Variants in CHD6 observed in about 807,000 individuals in gnomAD.
The protein encoded by CHD6 is ATP-dependent chromatin remodeler CHD6.
A neutral mutation model predicts 276.9 loss-of-function variants in CHD6; 50 were observed. That is an observed-to-expected ratio of 0.18 (90% confidence interval 0.14 to 0.23). The LOEUF (loss-of-function observed/expected upper bound fraction) is 0.23, where lower values mean the gene tolerates loss of function less well. Among genes scored for constraint, CHD6 ranks in the 10% least tolerant of loss-of-function variants. The pLI is 1.00. For synonymous variants in CHD6, 1,173 were observed against 1,229.3 expected (o/e 0.95, Z 0.96); for missense variants, 2,564 against 3,365.8 (o/e 0.76, Z 5.89).
chr20:41,617,349 G>A (rs1257577145), intron 1 of CHD6, among the ~76,000 whole-genome samples: 1 of 152,182 alleles, frequency 6.6e-6, no homozygotes, highest in Non-Finnish European at 1.5e-5. Context: ...AGTCACATTA[G>A]TCATAACTGG....
intron 17 of CHD6, among the ~76,000 whole-genome samples, chr20:41,460,796 C>T (rs532769935): frequency 6.6e-6 from 1 of 152,222 alleles, no homozygotes; most frequent in Non-Finnish European, 1.5e-5. Context: ...CACAGAGTCC[C>T]TACTTGGTCA....
chr20:41,552,804 C>T (rs1300183870), intron 1 of CHD6, among the ~76,000 whole-genome samples: 4 of 152,044 alleles, frequency 2.6e-5, no homozygotes, highest in Admixed American at 6.5e-5. Context: ...AAGAGTGCAG[C>T]GGCCAAGGAG....
intron 10 of CHD6, 88 bp from the exon 11 acceptor site, chr20:41,491,907 A>C: frequency 9.0e-3 from 11,869 of 1,323,618 alleles, no homozygotes; most frequent in Non-Finnish European, 0.012. Context: ...GGTAAATCTC[A>C]CTGTCCCAAG....
In CHD6 at chr20:41,461,384, T is replaced by C. The variant is rs148930365; in HGVS notation, c.2665-3956A>G. 1.9e-4 allele frequency among the ~76,000 whole-genome samples: 29 copies of C among 152,246 alleles called. No individual in the cohort carries two copies. In the East Asian group the frequency reaches 5.6e-3, roughly 29 times the overall value. ...GTCCCCATCCAAATATCAACTTGAA[T>C]TGTATCTCCCAGAATTCCCACACTG... On this transcript the variant is annotated intron_variant, in intron 17 of 36. Transcript: ENST00000373233.
Position 41,483,388 on chromosome 20 carries a change from C to T in CHD6, c.2389G>A (p.Ala797Thr). 2 of 1,613,834 alleles carry T rather than the reference C, an allele frequency of 1.2e-6. No homozygotes were observed. Among genetic ancestry groups the T allele is most frequent in the Non-Finnish European group, 1.7e-6 (2 of 1,179,846 alleles). Residue 797 changes from alanine to threonine, a missense_variant, in exon 16 of 37, where the codon GCA becomes ACA. Coordinates refer to ENST00000373233, the MANE Select transcript of CHD6 (RefSeq NM_032221.5). The part of the protein sequence containing the change: ...LIDKLLPKLI[A>T]GGHKVLIFSQ... ...AAGATGAGTACTTTGTGGCCACCTGCAATCAGCTTAGGGAGTAGTTTATCA... is the reference window on the plus strand; with the variant it reads ...AAGATGAGTACTTTGTGGCCACCTGTAATCAGCTTAGGGAGTAGTTTATCA...
chr20:41,521,836 T>A (rs1727714335), intron 3 of CHD6, among the ~76,000 whole-genome samples: 1 of 152,154 alleles, frequency 6.6e-6, no homozygotes, highest in African/African-American at 2.4e-5. Flanking sequence ...CATGTCAAAA[T>A]GACAAATAAG....
At chr20:41,428,876 G>C (rs565188516) in intron 27 of CHD6, among the ~76,000 whole-genome samples, 4 of 152,282 alleles carry the variant, frequency 2.6e-5, no homozygotes, top group Admixed American at 2.6e-4. Flanking sequence ...AACAGATGGG[G>C]AAATATGCTT....
At position 41,454,629 on chromosome 20, in the gene CHD6, T is replaced by C. The variant is rs1428570378; in HGVS notation, c.3117A>G (p.Glu1039=). ...IAELDTEAKN[E]KESLVIDRPR... is the part of the protein sequence containing the mutation. ...ATAAAATATTATTTTGCTGTACCTTTTCATTCTTTGCTTCAGTGTCTAGTT... is the reference window on the plus strand; with the variant it reads ...ATAAAATATTATTTTGCTGTACCTTCTCATTCTTTGCTTCAGTGTCTAGTT... The change falls in exon 20 of 37, where the codon GAA becomes GAG. Residue 1039 remains glutamate, a synonymous_variant. Transcript: ENST00000373233. 1.9e-6 allele frequency: 3 copies of C among 1,608,240 alleles called. No individual in the cohort carries two copies. Among genetic ancestry groups the C allele is most frequent in the Middle Eastern group, 1.6e-4 (1 of 6,066 alleles).
intron 23 of CHD6, among the ~76,000 whole-genome samples, chr20:41,450,372 C>T (rs1202391491): frequency 6.6e-6 from 1 of 152,078 alleles, no homozygotes; most frequent in African/African-American, 2.4e-5. Flanking sequence ...CAAATATCCA[C>T]ATGCAAACTT....
rs1396274585 is a variant in CHD6, at chr20:41,404,190, C to T, written c.*403G>A. The T allele has an allele frequency of 9.4e-7, 1 of 1,066,480 alleles. No individual in the cohort carries two copies. Among genetic ancestry groups the T allele is most frequent in the African/African-American group, 1.6e-5 (1 of 61,228 alleles). 66.1% of individuals were successfully genotyped at this position (1,066,480 alleles called of 1,614,324 possible). A position where few individuals can be genotyped will look rare whatever the true frequency, so the allele number is the denominator to read the frequency against. On this transcript the variant is annotated 3_prime_UTR_variant, in exon 37 of 37. Coordinates refer to ENST00000373233, the MANE Select transcript of CHD6 (RefSeq NM_032221.5). Reference sequence around the variant, plus strand: ...GACATTCTTCCTGTGCAACCCAGCTCACAGAAAAAGAGCTCCTCTTTGTCT... The same window carrying T: ...GACATTCTTCCTGTGCAACCCAGCTTACAGAAAAAGAGCTCCTCTTTGTCT...
chr20:41,475,669 C>G (rs1006440636), intron 16 of CHD6, among the ~76,000 whole-genome samples: 5 of 152,144 alleles, frequency 3.3e-5, no homozygotes, highest in African/African-American at 9.7e-5. Flanking sequence ...ATTTCCCCCC[C>G]TCTACCCTCC....
At chr20:41,502,998 C>T (rs1386520175) in intron 5 of CHD6, among the ~76,000 whole-genome samples, 5 of 152,168 alleles carry the variant, frequency 3.3e-5, no homozygotes, top group Admixed American at 3.3e-4. Flanking sequence ...GAGTGAGACT[C>T]CATCTCAAAA....
At chr20:41,487,510 G>A (rs564963594) in intron 14 of CHD6, among the ~76,000 whole-genome samples, 155 bp downstream of exon 14, 6 of 152,218 alleles carry the variant, frequency 3.9e-5, no homozygotes, top group Middle Eastern at 3.4e-3. Context: ...CAGCGTACCC[G>A]CCCCAACATA....
rs1250728202 is a variant in CHD6 at position 41,421,392 on chromosome 20, C to T, written c.5243G>A (p.Gly1748Asp). Reference protein sequence around the residue: ...SISKDGNCQSGGPEAEIASGP... With the variant: ...SISKDGNCQSDGPEAEIASGP... Reference sequence around the variant, plus strand: ...AGAAGCTATTTCTGCCTCAGGGCCACCAGACTGGCAGTTCCCATCTTTGCT... The same window carrying T: ...AGAAGCTATTTCTGCCTCAGGGCCATCAGACTGGCAGTTCCCATCTTTGCT... Residue 1748 changes from glycine to aspartate, a missense_variant, in exon 31 of 37, where the codon GGT becomes GAT. Gly to Asp is a moderately conservative substitution (Grantham distance 94). Coordinates refer to ENST00000373233, the MANE Select transcript of CHD6 (RefSeq NM_032221.5). 4 of 1,614,164 alleles carry T rather than the reference C, an allele frequency of 2.5e-6. No individual in the cohort carries two copies. In the South Asian group the frequency reaches 3.3e-5, roughly 13 times the overall value.
chr20:41,570,089 T>C (rs1220958696), intron 1 of CHD6, among the ~76,000 whole-genome samples: 2 of 152,216 alleles, frequency 1.3e-5, no homozygotes, highest in Non-Finnish European at 2.9e-5. Context: ...CACTCTAGAA[T>C]ACATGTGCAG....
chr20:41,429,741 G>C (rs2047474944), intron 27 of CHD6, among the ~76,000 whole-genome samples: 3 of 152,178 alleles, frequency 2.0e-5, no homozygotes, highest in African/African-American at 7.2e-5. Context: ...GATTTCTGGT[G>C]TGGTAAAAAG....
intron 24 of CHD6, among the ~76,000 whole-genome samples, chr20:41,446,757 C>T (rs2048081934): frequency 6.6e-6 from 1 of 152,140 alleles, no homozygotes; most frequent in Non-Finnish European, 1.5e-5. Flanking sequence ...CTGTTCATGC[C>T]TCATGGCAAC....
chr20:41,516,971 C>T (rs1297138618), intron 3 of CHD6, among the ~76,000 whole-genome samples: 2 of 152,144 alleles, frequency 1.3e-5, no homozygotes, highest in African/African-American at 4.8e-5. Flanking sequence ...ACTGGATGAC[C>T]TGGCTCAGAG....
Position 41,413,534 on chromosome 20 carries a change from AGTAT to A in CHD6, c.6940-23_6940-20del. ...GGACTTCCTGGATGAAGGAAAAACG[AGTAT>A]GTATAATCACGACACAATGAAAATT... On this transcript the variant is annotated intron_variant, in intron 34 of 36. Coordinates refer to ENST00000373233, the MANE Select transcript of CHD6 (RefSeq NM_032221.5). 1 of 1,505,904 alleles carries A rather than the reference AGTAT, an allele frequency of 6.6e-7. No homozygotes were observed. Among genetic ancestry groups the A allele is most frequent in the Non-Finnish European group, 8.9e-7 (1 of 1,122,758 alleles). The allele number at this position is 1,505,904 out of a possible 1,614,324, so 93.3% of individuals were successfully genotyped here. A position where few individuals can be genotyped will look rare whatever the true frequency, so the allele number is the denominator to read the frequency against.
Sources: gnomAD v4.1 joint callset for allele counts (sites outside exome capture counted in the v4.1 genomes callset) on GRCh38, gnomAD v4.1.1 for gene constraint, MANE v1.5 for transcripts, NCBI Gene and HGNC (gene_info 2026-07-23, HGNC 2026-07-21) for gene names.